The following FAM149A variants were observed in gnomAD, a reference collection of about 807,000 sequenced individuals.
The protein encoded by FAM149A is family with sequence similarity 149 member A.
Under a neutral mutation model 78.2 loss-of-function variants are expected in FAM149A, and 71 were observed. The observed-to-expected ratio is 0.91, with a 90% CI of 0.75 to 1.11. FAM149A has a LOEUF of 1.11. Among genes scored for constraint, FAM149A ranks in the 50% least tolerant of loss-of-function variants. The pLI, the probability that FAM149A is intolerant of heterozygous loss-of-function variation, is 0.00. For missense variants in FAM149A, 1,036 were observed against 971.0 expected (o/e 1.07, Z -0.89); for synonymous variants, 446 against 410.5 (o/e 1.09, Z -1.04).
At chr4:186,133,887 C>T (rs1176251425) in intron 1 of FAM149A, among the ~76,000 whole-genome samples, 3 of 152,170 alleles carry the variant, frequency 2.0e-5, no homozygotes, top group Non-Finnish European at 4.4e-5. Flanking sequence ...GAACTCCTGG[C>T]TCAAGTGATC....
chr4:186,160,714 A>C (rs942192194), intron 8 of FAM149A: 29 of 810,894 alleles, frequency 3.6e-5, no homozygotes, highest in African/African-American at 4.1e-5. Context: ...ACCACACACC[A>C]CACACACACC....
chr4:186,119,118 G>A (rs929923992), intron 1 of FAM149A, among the ~76,000 whole-genome samples: 6 of 152,090 alleles, frequency 3.9e-5, no homozygotes, highest in Non-Finnish European at 7.4e-5. Context: ...TTCATTTCAC[G>A]CAGTCAAACC....
intron 13 of FAM149A, chr4:186,169,061 C>T (rs757970338): frequency 2.5e-5 from 8 of 317,028 alleles, no homozygotes; most frequent in Admixed American, 1.3e-4. Context: ...GACTACAGCA[C>T]GCCGAGTGGA....
rs1268502480 is a variant in FAM149A at position 186,105,185 on chromosome 4, G to A, written c.109G>A (p.Ala37Thr). ...CAGACCCTCGGGAGGTGCTGCCGCT[G>A]CAGGGTCGGGGGGCTCCAGGGCGGG... The change falls in exon 1 of 14, where the codon GCA (alanine) becomes ACA (threonine). Residue 37 changes from alanine (A) to threonine (T), a missense_variant. Around this residue, in one of 3 missense-constraint regions of FAM149A, gnomAD observed 316 missense variants for 241.9 expected, o/e 1.31. Transcript: ENST00000389354. 1 of 1,274,712 alleles carries A rather than the reference G, an allele frequency of 7.8e-7. No individual in the cohort carries two copies. The highest frequency in any genetic ancestry group is 1.0e-6 in the Non-Finnish European group (1 of 982,588). The allele number at this position is 1,274,712 out of a possible 1,614,324, so 79.0% of individuals were successfully genotyped here.
intron 5 of FAM149A, 127 bp downstream of exon 5, chr4:186,153,897 G>A (rs1383679079): frequency 3.1e-6 from 3 of 974,498 alleles, no homozygotes; most frequent in African/African-American, 3.3e-5. Context: ...ATGAAGGGCA[G>A]GTACAGAGAA....
At chr4:186,166,848 A>G (rs1735072765) in intron 11 of FAM149A, 120 bp from the exon 12 acceptor site, 1 of 837,312 alleles carries the variant, frequency 1.2e-6, no homozygotes, top group Non-Finnish European at 1.9e-6. Context: ...CCTGATCCTT[A>G]GTAATGTCTA....
At position 186,163,428 on chromosome 4, in the gene FAM149A, GAGA is replaced by G. The variant is rs1245286342; in HGVS notation, c.1687_1689del (p.Lys563del). On this transcript the variant is annotated inframe_deletion, in exon 10 of 14. Coordinates refer to ENST00000389354, the MANE Select transcript of FAM149A (RefSeq NM_001367768.3). Reference sequence around the variant, plus strand: ...CTCACAGGATTTCCTTCCCAGGAATGAGAAGGAGGACAAAGCATCGGGTGGAGG... The same window carrying G: ...CTCACAGGATTTCCTTCCCAGGAATGAGGAGGACAAAGCATCGGGTGGAGG... The G allele has an allele frequency of 5.0e-6, 8 of 1,613,166 alleles. No individual in the cohort carries two copies. The East Asian group carries it at 1.6e-4, about 31-fold the overall frequency.
intron 1 of FAM149A, among the ~76,000 whole-genome samples, chr4:186,136,944 C>CTCTCTCTCTT (rs2099323066): frequency 8.7e-6 from 1 of 114,908 alleles, no homozygotes; most frequent in African/African-American, 3.9e-5. Flanking sequence ...TGATCTCTCT[C>CTCTCTCTCTT]TCTCTCTCTC....
rs1377916497 is a variant in FAM149A, at chr4:186,105,468, C to T, written c.392C>T (p.Ser131Leu). ...CTGGTGGTCCCAGCGCGGCCGCCCTCGGGCCCCGGCGGGGTCTGGGCCGCG... is the reference window on the plus strand; with the variant it reads ...CTGGTGGTCCCAGCGCGGCCGCCCTTGGGCCCCGGCGGGGTCTGGGCCGCG... The change falls in exon 1 of 14, where the codon TCG (serine) becomes TTG (leucine). Residue 131 changes from serine to leucine, a missense_variant. Coordinates refer to ENST00000389354, the MANE Select transcript of FAM149A (RefSeq NM_001367768.3). 4.9e-6 allele frequency: 6 copies of T among 1,213,698 alleles called. No homozygotes were observed. The highest frequency in any genetic ancestry group is 3.2e-5 in the Admixed American group (1 of 31,496). 75.2% of individuals were successfully genotyped at this position (1,213,698 alleles called of 1,614,324 possible).
At chr4:186,149,110 T>G in intron 1 of FAM149A, 63 bp from the exon 2 acceptor site, 1 of 1,213,778 alleles carries the variant, frequency 8.2e-7, no homozygotes, top group Non-Finnish European at 1.1e-6. Flanking sequence ...ATTTTAAAAG[T>G]CTTAATGAAT....
intron 1 of FAM149A, among the ~76,000 whole-genome samples, chr4:186,110,760 T>C (rs1246233795): frequency 1.4e-5 from 2 of 146,934 alleles, no homozygotes; most frequent in Non-Finnish European, 3.0e-5. Flanking sequence ...TTTCATGGTG[T>C]ATATGTGCCA....
chr4:186,107,858 C>T (rs1277497967), intron 1 of FAM149A: 1 of 152,256 alleles, frequency 6.6e-6, no homozygotes, highest in Non-Finnish European at 1.5e-5. Context: ...GACTGGCCCT[C>T]TGAGCATACC....
At chr4:186,110,728 CA>C (rs2099310890) in intron 1 of FAM149A, among the ~76,000 whole-genome samples, 1 of 141,482 alleles carries the variant, frequency 7.1e-6, no homozygotes, top group Non-Finnish European at 1.5e-5. Flanking sequence ...ATGAACTCAT[CA>C]TTTTTTATGG....
intron 1 of FAM149A, among the ~76,000 whole-genome samples, chr4:186,120,815 G>T (rs1208791278): frequency 8.0e-6 from 1 of 124,786 alleles, no homozygotes. Context: ...AAAAAAGTTA[G>T]TAATCTAAAA....
At chr4:186,106,719 G>A (rs1446478821) in intron 1 of FAM149A, among the ~76,000 whole-genome samples, 1 of 152,132 alleles carries the variant, frequency 6.6e-6, no homozygotes, top group Non-Finnish European at 1.5e-5. Flanking sequence ...AGGCCGAGGC[G>A]GGCGGATCAT....
intron 1 of FAM149A, among the ~76,000 whole-genome samples, chr4:186,115,412 A>C (rs898998923): frequency 6.7e-6 from 1 of 149,046 alleles, no homozygotes; most frequent in African/African-American, 2.5e-5. Context: ...GTCATTCTCC[A>C]TCCAGCTTTG....
At chr4:186,120,258 A>G (rs2099315408) in intron 1 of FAM149A, among the ~76,000 whole-genome samples, 1 of 152,200 alleles carries the variant, frequency 6.6e-6, no homozygotes, top group Non-Finnish European at 1.5e-5. Context: ...TTCATTTTAC[A>G]CATGAAGAAA....
At position 186,164,336 on chromosome 4, in the gene FAM149A, C is replaced by A; in HGVS notation, c.1889+703C>A. ...ACAGGCTAAGCCTGCCGGAGATCATCCCCGCCAGGAAGAGGCCCAGCCGGA... is the reference window on the plus strand; with the variant it reads ...ACAGGCTAAGCCTGCCGGAGATCATACCCGCCAGGAAGAGGCCCAGCCGGA... On this transcript the variant is annotated intron_variant, in intron 10 of 13. Coordinates refer to ENST00000389354, the MANE Select transcript of FAM149A (RefSeq NM_001367768.3). The surrounding 1 kb of genome is among the most constrained non-coding windows in gnomAD (Gnocchi z 4.0). 3.6e-6 allele frequency: 1 copy of A among 281,436 alleles called. No homozygotes were observed. The highest frequency in any genetic ancestry group is 5.4e-6 in the Non-Finnish European group (1 of 186,150). 17.4% of individuals were successfully genotyped at this position (281,436 alleles called of 1,614,324 possible). A position where few individuals can be genotyped will look rare whatever the true frequency, so the allele number is the denominator to read the frequency against.
intron 1 of FAM149A, chr4:186,129,909 T>C (rs961612608): frequency 6.6e-6 from 1 of 152,200 alleles, no homozygotes; most frequent in Non-Finnish European, 1.5e-5. Context: ...ATAGGAAGCA[T>C]TGGTAGAAGT....
Sources: gnomAD v4.1 joint callset for allele counts (sites outside exome capture counted in the v4.1 genomes callset) on GRCh38, gnomAD v4.1.1 for gene constraint, gnomAD v4.1.1 regional missense constraint, Gnocchi (gnomAD v3.1) non-coding constraint, MANE v1.5 for transcripts, NCBI Gene and HGNC (gene_info 2026-07-23, HGNC 2026-07-21) for gene names.